RUBCN: variants seen among roughly 807,000 people sequenced by gnomAD.
RUBCN encodes rubicon autophagy regulator, also known as run domain Beclin-1-interacting and cysteine-rich domain-containing protein.
A neutral mutation model predicts 113.2 loss-of-function variants in RUBCN; 74 were observed. The ratio of observed to expected loss-of-function variants is 0.65; its 90% CI spans 0.54 to 0.79. RUBCN has a LOEUF of 0.79. Ranked by LOEUF, RUBCN falls within the 30% of genes least tolerant of loss-of-function variation. The pLI is 0.00. For synonymous variants in RUBCN, 480 were observed against 490.0 expected, an observed-to-expected ratio of 0.98 and a Z score of 0.27; for missense variants, 1,109 against 1,251.7, an observed-to-expected ratio of 0.89 and a Z score of 1.72.
intron 2 of RUBCN, among the ~76,000 whole-genome samples, chr3:197,717,027 G>C (rs1450290556): frequency 1.3e-5 from 2 of 152,066 alleles, no homozygotes; most frequent in Admixed American, 1.3e-4. Flanking sequence ...AGGCTGAGGT[G>C]GAAGGATTGC....
chr3:197,749,289 G>C (rs972417881), exon 1 of RUBCN: 2 of 1,077,372 alleles, frequency 1.9e-6, no homozygotes, highest in African/African-American at 3.3e-5. Flanking sequence ...GGAAGCTGAG[G>C]TCTTATTAGG....
At chr3:197,699,326 G>C in intron 7 of RUBCN, 1 of 891,824 alleles carries the variant, frequency 1.1e-6, no homozygotes, top group South Asian at 1.6e-5. Flanking sequence ...CCCAGCAGAA[G>C]TGGGGATGGA....
chr3:197,691,267 GT>G, intron 11 of RUBCN: 2 of 509,536 alleles, frequency 3.9e-6, no homozygotes, highest in Non-Finnish European at 7.0e-6. Flanking sequence ...ATGAAATGGC[GT>G]TTAGGAACTT....
At chr3:197,710,604 A>AG (rs2108936033) in intron 2 of RUBCN, among the ~76,000 whole-genome samples, 1 of 152,240 alleles carries the variant, frequency 6.6e-6, no homozygotes, top group East Asian at 1.9e-4. Context: ...ATCTCAAAAA[A>AG]AAAAAAAAAG....
At chr3:197,711,552 G>A (rs1724965480) in intron 2 of RUBCN, among the ~76,000 whole-genome samples, 1 of 152,098 alleles carries the variant, frequency 6.6e-6, no homozygotes. Flanking sequence ...TTCTCTGGAA[G>A]GGCTGGGCAT....
upstream of RUBCN, among the ~76,000 whole-genome samples, chr3:197,738,523 C>T (rs1401919101): frequency 1.3e-5 from 2 of 152,180 alleles, no homozygotes; most frequent in East Asian, 3.8e-4. Context: ...CATTTTCCTA[C>T]TAAACGATTA....
Position 197,671,134 on chromosome 3 carries a change from C to T in RUBCN, c.*3884G>A, listed in dbSNP as rs918828047. Among the ~76,000 whole-genome samples the T allele has an allele frequency of 3.9e-5, 6 of 152,194 alleles. No individual in the cohort carries two copies. The highest frequency in any genetic ancestry group is 1.4e-4 in the African/African-American group (6 of 41,434). ...GGTTCAAGTGATTCTCATGATTCAG[C>T]CTCCCGAGTAGCTGGGATTACAAGC... On this transcript the variant is annotated 3_prime_UTR_variant, in exon 20 of 20. Coordinates refer to ENST00000296343, the MANE Select transcript of RUBCN (RefSeq NM_014687.4).
intron 1 of RUBCN, among the ~76,000 whole-genome samples, chr3:197,734,401 C>G (rs908063956): frequency 1.4e-5 from 2 of 146,718 alleles, no homozygotes; most frequent in Non-Finnish European, 3.0e-5. Context: ...GAGACCCTGT[C>G]TAAAAAAAGA....
Position 197,695,946 on chromosome 3 carries a change from A to G in RUBCN, c.1393T>C (p.Phe465Leu), listed in dbSNP as rs1381213819. The G allele has an allele frequency of 1.2e-6, 2 of 1,614,060 alleles. No homozygotes were observed. The highest frequency in any genetic ancestry group is 1.7e-6 in the Non-Finnish European group (2 of 1,180,040). ...GRYLCSGEGM[F>L]RRPSEGQSLI... ...GACTGTCCTTCTGATGGTCTTCGGA[A>G]CATGCCTTCCCCTGAGCACAGGTAC... Residue 465 changes from phenylalanine (F) to leucine (L), a missense_variant, in exon 9 of 20, where the codon TTC becomes CTC. Physicochemically the swap from Phe to Leu is conservative, Grantham distance 22. This residue lies in a region of RUBCN where 736 missense variants were observed against 779.6 expected (regional missense o/e 0.94). Transcript: ENST00000296343.
intron 11 of RUBCN, 67 bp from the exon 12 acceptor site, chr3:197,684,284 T>G: frequency 2.5e-6 from 3 of 1,200,084 alleles, no homozygotes; most frequent in Non-Finnish European, 3.7e-6. Context: ...CTGGAATCTA[T>G]TACAAGGTGC....
chr3:197,715,329 T>C (rs1383866871), intron 2 of RUBCN, among the ~76,000 whole-genome samples: 1 of 149,726 alleles, frequency 6.7e-6, no homozygotes, highest in African/African-American at 2.4e-5. Flanking sequence ...AAACTCAACA[T>C]TAATAAAGTT....
At chr3:197,739,675 GAA>G (rs1728442826), upstream of RUBCN, among the ~76,000 whole-genome samples, 1 of 152,184 alleles carries the variant, frequency 6.6e-6, no homozygotes, top group Non-Finnish European at 1.5e-5. Flanking sequence ...CTCCAGCCTG[GAA>G]GACAGAGCTA....
At chr3:197,731,626 AC>A (rs532505102) in intron 1 of RUBCN, among the ~76,000 whole-genome samples, 4 of 142,746 alleles carry the variant, frequency 2.8e-5, no homozygotes, top group Admixed American at 6.8e-5. Context: ...GCGGGGCCTG[AC>A]CCCCCCACCT....
chr3:197,739,717 CA>C (rs1035542514), upstream of RUBCN, among the ~76,000 whole-genome samples: 2 of 149,618 alleles, frequency 1.3e-5, no homozygotes, highest in Non-Finnish European at 3.0e-5. Flanking sequence ...GACTCCGTTT[CA>C]AAAAAAAAGG....
chr3:197,707,834 C>T (rs1724488807), intron 2 of RUBCN, among the ~76,000 whole-genome samples: 1 of 151,624 alleles, frequency 6.6e-6, no homozygotes, highest in African/African-American at 2.4e-5. Flanking sequence ...GCATGGGGCA[C>T]ATGCCTGTAG....
At chr3:197,710,438 T>G (rs189482784) in intron 2 of RUBCN, among the ~76,000 whole-genome samples, 1 of 151,564 alleles carries the variant, frequency 6.6e-6, no homozygotes, top group African/African-American at 2.4e-5. Context: ...CCATCTCTAC[T>G]AAAAATACAA....
At chr3:197,699,733 C>T (rs1420430796) in intron 7 of RUBCN, among the ~76,000 whole-genome samples, 1 of 152,178 alleles carries the variant, frequency 6.6e-6, no homozygotes, top group Admixed American at 6.5e-5. Context: ...AGGGCCTTAG[C>T]TCTCACCTTT....
intron 11 of RUBCN, among the ~76,000 whole-genome samples, chr3:197,686,560 T>A (rs1165124765): frequency 1.3e-5 from 2 of 152,094 alleles, no homozygotes; most frequent in Non-Finnish European, 2.9e-5. Context: ...CTCTGGTCGG[T>A]TCAAGCAGAC....
At chr3:197,701,262 A>G (rs933172554) in intron 6 of RUBCN, 116 bp from the exon 7 acceptor site, 5 of 906,400 alleles carry the variant, frequency 5.5e-6, no homozygotes, top group Non-Finnish European at 8.1e-6. Context: ...CAAGCCAAAT[A>G]AAGTACAAAA....
Sources: allele counts gnomAD v4.1 joint callset (sites outside exome capture counted in the v4.1 genomes callset), GRCh38; gene constraint gnomAD v4.1.1; regional missense constraint gnomAD v4.1.1; transcripts MANE v1.5; gene names NCBI Gene and HGNC (gene_info 2026-07-23, HGNC 2026-07-21).